The following COL9A1 variants were observed in gnomAD, a reference collection of about 807,000 sequenced individuals.
COL9A1 encodes collagen alpha-1(IX) chain.
Under a neutral mutation model 142.6 loss-of-function variants are expected in COL9A1, and 104 were observed. That is an observed-to-expected ratio of 0.73 (90% CI 0.62 to 0.86). COL9A1 has a LOEUF of 0.86. COL9A1 is among the 40% of genes least tolerant of loss of function. The probability of loss-of-function intolerance (pLI) is 0.00; values close to 1 mark genes in which losing one functional copy is unlikely to be tolerated. For synonymous variants in COL9A1, 466 were observed against 396.0 expected, an observed-to-expected ratio of 1.18 and a Z score of -2.10; for missense variants, 1,210 against 1,176.6, an observed-to-expected ratio of 1.03 and a Z score of -0.42.
chr6:70,298,160 GAA>G (rs1193830430), intron 4 of COL9A1, among the ~76,000 whole-genome samples: 1 of 152,200 alleles, frequency 6.6e-6, no homozygotes, highest in Non-Finnish European at 1.5e-5. Flanking sequence ...CCTCTAAGGA[GAA>G]AAGACTTTCA....
chr6:70,302,762 T>C (rs1774121242), intron 1 of COL9A1, 149 bp downstream of exon 1: 23 of 921,484 alleles, frequency 2.5e-5, no homozygotes, highest in Non-Finnish European at 4.1e-5. Context: ...CTTGCCCTCT[T>C]GTCTTACTCT....
rs759513238 is a variant in COL9A1, at chr6:70,271,645, T to G, written c.1143+10A>C. Reference sequence around the variant, plus strand: ...AGCAAACGTCTATCAAAGTGCACTGTGGTACTCACAACAGGTCCTACACGG... The same window carrying G: ...AGCAAACGTCTATCAAAGTGCACTGGGGTACTCACAACAGGTCCTACACGG... On this transcript the variant is annotated intron_variant, in intron 14 of 37. Transcript: ENST00000357250. 6 of 1,612,892 alleles carry G rather than the reference T, an allele frequency of 3.7e-6. No individual in the cohort carries two copies. The highest frequency in any genetic ancestry group is 5.1e-6 in the Non-Finnish European group (6 of 1,179,038).
Position 70,239,240 on chromosome 6 carries a change from T to C in COL9A1, c.2112+14A>G. ...TTTTAATTTTTTTATACCATTACTA[T>C]TCACCATACTTACAGATCCCTTTGG... On this transcript the variant is annotated intron_variant, in intron 33 of 37. Transcript: ENST00000357250. The C allele has an allele frequency of 6.6e-7, 1 of 1,513,492 alleles. No individual in the cohort carries two copies. The highest frequency in any genetic ancestry group is 9.2e-7 in the Non-Finnish European group (1 of 1,089,598). The allele number at this position is 1,513,492 out of a possible 1,614,324, so 93.8% of individuals were successfully genotyped here.
At chr6:70,240,213 A>C (rs2127564003) in intron 32 of COL9A1, among the ~76,000 whole-genome samples, 1 of 152,296 alleles carries the variant, frequency 6.6e-6, no homozygotes, top group East Asian at 1.9e-4. Flanking sequence ...CTGGAGATGG[A>C]GGTCACTTTT....
chr6:70,252,208 C>A (rs753673794), intron 27 of COL9A1, 35 bp from the exon 28 acceptor site: 1 of 1,614,118 alleles, frequency 6.2e-7, no homozygotes, highest in East Asian at 2.2e-5. Context: ...AAAAAGTTAA[C>A]ACCTACTGAT....
Position 70,270,387 on chromosome 6 carries a change from C to T in COL9A1, c.1144-20G>A, listed in dbSNP as rs140749167. The T allele has an allele frequency of 2.5e-4, 398 of 1,611,434 alleles. 2 individuals are homozygous for T. In the East Asian group the frequency reaches 6.5e-3, roughly 26 times the overall value. The stretch of plus-strand genomic sequence containing the variant: ...GTCACCCTAAGTTATTTGAAAATTG[C>T]GACACAGTGGTTATACATGTGTCAA... On this transcript the variant is annotated intron_variant, in intron 14 of 37. Coordinates refer to ENST00000357250, the MANE Select transcript of COL9A1 (RefSeq NM_001851.6).
At chr6:70,302,270 C>T (rs972382708) in intron 1 of COL9A1, among the ~76,000 whole-genome samples, 196 bp from the exon 2 acceptor site, 5 of 136,312 alleles carry the variant, frequency 3.7e-5, no homozygotes, top group East Asian at 2.1e-4. Flanking sequence ...AGTGCAATGG[C>T]GCGATCTCGG....
rs139361722 is a variant in COL9A1 at position 70,300,337 on chromosome 6, C to T, written c.138G>A (p.Lys46=). The change falls in exon 3 of 38, where the codon AAG becomes AAA. Residue 46 remains lysine (K), a synonymous_variant. Coordinates refer to ENST00000357250, the MANE Select transcript of COL9A1 (RefSeq NM_001851.6). ...NSNGGNELCP[K]IRIGQDDLPG... Reference sequence around the variant, plus strand: ...GTAAGTCATCTTGGCCAATCCTGATCTTTGGACAGAGTTCATTTCCACCAT... The same window carrying T: ...GTAAGTCATCTTGGCCAATCCTGATTTTTGGACAGAGTTCATTTCCACCAT... 601 of 1,613,642 alleles carry T rather than the reference C, an allele frequency of 3.7e-4. 1 individual carries two copies. The African/African-American group carries it at 6.9e-3, about 19-fold the overall frequency.
At chr6:70,225,206 C>T (rs1364520542) in intron 37 of COL9A1, among the ~76,000 whole-genome samples, 1 of 152,202 alleles carries the variant, frequency 6.6e-6, no homozygotes, top group African/African-American at 2.4e-5. Context: ...TGCCCTTAAA[C>T]TGAACTGGCT....
At chr6:70,257,154 G>A (rs1294015020) in intron 20 of COL9A1, among the ~76,000 whole-genome samples, 2 of 148,276 alleles carry the variant, frequency 1.3e-5, no homozygotes, top group African/African-American at 5.0e-5. Context: ...TCCGCCCCCT[G>A]GGTTCAAGCA....
intron 33 of COL9A1, among the ~76,000 whole-genome samples, chr6:70,235,395 G>A (rs1463892091): frequency 2.0e-5 from 3 of 152,162 alleles, no homozygotes; most frequent in Non-Finnish European, 4.4e-5. Context: ...GGAGGTTGCA[G>A]TAAGCGGAGA....
intron 10 of COL9A1, chr6:70,280,393 C>T (rs1773069260): frequency 8.5e-7 from 1 of 1,172,288 alleles, no homozygotes; most frequent in Non-Finnish European, 1.1e-6. Context: ...CAGGGAGTGC[C>T]GGTGAAAGAG....
In COL9A1 at chr6:70,234,354, G is replaced by A. The variant is rs149266003; in HGVS notation, c.2314+185C>T. Among the ~76,000 whole-genome samples the A allele has an allele frequency of 6.6e-5, 10 of 151,902 alleles. No homozygotes were observed. The East Asian group carries it at 1.5e-3, about 23-fold the overall frequency. ...AAGTAATATTTTACATTGAGGCTACGGGCTGTATACTATTGTGGATGCCAA... is the reference window on the plus strand; with the variant it reads ...AAGTAATATTTTACATTGAGGCTACAGGCTGTATACTATTGTGGATGCCAA... On this transcript the variant is annotated intron_variant, in intron 35 of 37. Coordinates refer to ENST00000357250, the MANE Select transcript of COL9A1 (RefSeq NM_001851.6).
intron 7 of COL9A1, among the ~76,000 whole-genome samples, chr6:70,281,849 G>A (rs575188511): frequency 1.3e-5 from 2 of 152,304 alleles, no homozygotes; most frequent in South Asian, 4.2e-4. Flanking sequence ...AGTCATTGCA[G>A]GTCAGTGTTT....
intron 25 of COL9A1, among the ~76,000 whole-genome samples, chr6:70,254,229 G>C (rs1415228083): frequency 2.6e-5 from 4 of 151,996 alleles, no homozygotes; most frequent in Non-Finnish European, 4.4e-5. Context: ...AAAAGACTGA[G>C]TAAACTAAAG....
At chr6:70,279,623 G>A (rs1309552244) in intron 10 of COL9A1, 1 of 126,480 alleles carries the variant, frequency 7.9e-6, no homozygotes, top group Non-Finnish European at 1.5e-5. Context: ...ACTCCAGCCT[G>A]GGCAACAAGA....
chr6:70,265,398 T>C (rs1282974785), intron 18 of COL9A1, among the ~76,000 whole-genome samples: 1 of 151,480 alleles, frequency 6.6e-6, no homozygotes, highest in Non-Finnish European at 1.5e-5. Flanking sequence ...ATGAATATCT[T>C]TTGATGTAAT....
At chr6:70,283,158 A>G in intron 6 of COL9A1, 1 of 1,515,926 alleles carries the variant, frequency 6.6e-7, no homozygotes, top group Non-Finnish European at 8.8e-7. Context: ...CTGCAGAAAA[A>G]GCACCCCCGG....
chr6:70,222,186 A>T (rs1484097198), intron 37 of COL9A1, among the ~76,000 whole-genome samples: 3 of 152,222 alleles, frequency 2.0e-5, no homozygotes, highest in African/African-American at 7.2e-5. Flanking sequence ...AAAGGGAGCA[A>T]CAATAATAAC....
Sources: gnomAD v4.1 joint callset for allele counts (sites outside exome capture counted in the v4.1 genomes callset) on GRCh38, gnomAD v4.1.1 for gene constraint, MANE v1.5 for transcripts, NCBI Gene and HGNC (gene_info 2026-07-23, HGNC 2026-07-21) for gene names.